WWOX: variants seen among roughly 807,000 people sequenced by gnomAD.
The protein encoded by WWOX is WW domain containing oxidoreductase, also known as WW domain-containing oxidoreductase.
WWOX carries 69 observed loss-of-function variants against 46.2 expected under a neutral mutation model. The observed-to-expected ratio is 1.49, with a 90% CI of 1.23 to 1.82. The LOEUF is 1.82. Ranked by LOEUF, WWOX falls within the 40% of genes most tolerant of loss-of-function variation. WWOX has a pLI of 0.00. For synonymous variants in WWOX, 359 were observed against 202.6 expected (o/e 1.77, Z -6.56); for missense variants, 919 against 542.6 (o/e 1.69, Z -6.89).
At chr16:78,507,800 A>G (rs1324744528) in intron 8 of WWOX, among the ~76,000 whole-genome samples, 1 of 152,138 alleles carries the variant, frequency 6.6e-6, no homozygotes, top group Non-Finnish European at 1.5e-5. Context: ...GCCTTGATTA[A>G]TAAGGCGTGA....
intron 8 of WWOX, among the ~76,000 whole-genome samples, chr16:79,107,665 C>T (rs1244467782): frequency 6.6e-6 from 1 of 152,208 alleles, no homozygotes; most frequent in Non-Finnish European, 1.5e-5. Context: ...GCGACATGCA[C>T]ATTTTCATGT....
Position 78,632,557 on chromosome 16 carries a change from AT to A in WWOX, c.1056+199826del, listed in dbSNP as rs545062752. 9.2e-3 allele frequency among the ~76,000 whole-genome samples: 685 copies of A among 74,726 alleles called. 9 individuals carry two copies. Among genetic ancestry groups the A allele is most frequent in the African/African-American group, 0.018 (330 of 17,968 alleles). 49.0% of individuals were successfully genotyped at this position (74,726 alleles called of 152,430 possible). On this transcript the variant is annotated intron_variant, in intron 8 of 8. Transcript: ENST00000566780. The stretch of plus-strand genomic sequence containing the variant: ...CTCTCTTCCCCCACTTACTTGGCCA[AT>A]TTTTTTTTTTTTTTTTTTTTGGTGG...
At chr16:78,482,789 G>A (rs1038305533) in intron 8 of WWOX, among the ~76,000 whole-genome samples, 2 of 152,128 alleles carry the variant, frequency 1.3e-5, no homozygotes, top group African/African-American at 2.4e-5. Flanking sequence ...ACGATAAGAC[G>A]CAGAACGTAT....
chr16:78,590,586 G>T (rs773639372), intron 8 of WWOX, among the ~76,000 whole-genome samples: 1 of 152,192 alleles, frequency 6.6e-6, no homozygotes, highest in Admixed American at 6.5e-5. Flanking sequence ...GTGTTGAGGA[G>T]ACATAACCAA....
intron 8 of WWOX, among the ~76,000 whole-genome samples, chr16:78,913,439 C>G (rs1019005637): frequency 1.3e-5 from 2 of 151,920 alleles, no homozygotes; most frequent in South Asian, 2.1e-4. Context: ...TTGCAAAACC[C>G]TCACGGCTCT....
chr16:79,188,979 A>G (rs1385874657), intron 8 of WWOX, among the ~76,000 whole-genome samples: 1 of 152,196 alleles, frequency 6.6e-6, no homozygotes, highest in Admixed American at 6.5e-5. Flanking sequence ...GCAAATCTAT[A>G]TTGTGACACA....
At chr16:78,592,619 G>A (rs1362487752) in intron 8 of WWOX, among the ~76,000 whole-genome samples, 1 of 152,200 alleles carries the variant, frequency 6.6e-6, no homozygotes. Flanking sequence ...AGAGCTGGAA[G>A]ACAAGGCCTG....
chr16:78,441,359 G>A (rs185014344), intron 8 of WWOX, among the ~76,000 whole-genome samples: 31 of 152,320 alleles, frequency 2.0e-4, no homozygotes, highest in Non-Finnish European at 2.8e-4. Flanking sequence ...ACCAGGTGCT[G>A]AATCAGTGAG....
In WWOX at chr16:78,849,586, A is replaced by AG. The variant is rs2052389762; in HGVS notation, c.1057-362022_1057-362021insG. 2.0e-5 allele frequency among the ~76,000 whole-genome samples: 3 copies of AG among 150,916 alleles called. No individual in the cohort carries two copies. The South Asian group carries it at 6.3e-4, about 32-fold the overall frequency. ...CTGAATCCCTCTCAAAAAAAAAAAA[A>AG]AAAAAAGAAAACAACTACAACCACA... is the stretch of plus-strand genomic sequence containing the variant. On this transcript the variant is annotated intron_variant, in intron 8 of 8. Coordinates refer to ENST00000566780, the MANE Select transcript of WWOX (RefSeq NM_016373.4).
chr16:79,032,108 A>G (rs1002807202), intron 8 of WWOX, among the ~76,000 whole-genome samples: 1 of 144,934 alleles, frequency 6.9e-6, no homozygotes, highest in East Asian at 2.0e-4. Context: ...TAGATAATTT[A>G]TATATAAATA....
chr16:78,786,612 G>C (rs1002677110), intron 8 of WWOX, among the ~76,000 whole-genome samples: 2 of 151,870 alleles, frequency 1.3e-5, no homozygotes, highest in Non-Finnish European at 2.9e-5. Context: ...ACTTTTTTTA[G>C]TATATTCGCA....
At chr16:78,702,534 C>G (rs1447316718) in intron 8 of WWOX, among the ~76,000 whole-genome samples, 1 of 151,344 alleles carries the variant, frequency 6.6e-6, no homozygotes, top group East Asian at 2.0e-4. Context: ...GTCTGTAATC[C>G]CAAATGCTTG....
chr16:79,031,634 A>T (rs2047756246), intron 8 of WWOX, among the ~76,000 whole-genome samples: 1 of 151,558 alleles, frequency 6.6e-6, no homozygotes, highest in African/African-American at 2.4e-5. Flanking sequence ...AAATTGAGGT[A>T]AATTTACTTA....
intron 5 of WWOX, among the ~76,000 whole-genome samples, chr16:78,322,576 T>G (rs1409067305): frequency 6.6e-6 from 1 of 152,202 alleles, no homozygotes; most frequent in Non-Finnish European, 1.5e-5. Context: ...TCAGTGAGTG[T>G]GAGAGGTACA....
At chr16:78,175,482 T>A (rs59907647) in intron 5 of WWOX, among the ~76,000 whole-genome samples, 15,253 of 152,174 alleles carry the variant, frequency 0.1, 782 homozygotes, top group African/African-American at 0.11. Context: ...CTGAGGTAGG[T>A]CCTAAAGGCT....
chr16:78,973,822 AG>A (rs1306618789), intron 8 of WWOX, among the ~76,000 whole-genome samples: 50 of 152,370 alleles, frequency 3.3e-4, no homozygotes, highest in Non-Finnish European at 1.5e-5. Flanking sequence ...TGGGGGCACC[AG>A]GGCTCATGAG....
At position 78,286,105 on chromosome 16, in the gene WWOX, C is replaced by T. The variant is rs374568173; in HGVS notation, c.517-100755C>T. Among the ~76,000 whole-genome samples the T allele has an allele frequency of 4.5e-4, 69 of 152,280 alleles. No individual in the cohort carries two copies. In the South Asian group the frequency reaches 4.6e-3, roughly 10 times the overall value. ...TTATTCATTTAAAAAAATCTGCTAA[C>T]GGAAATATTTCCATTCAGCTCATTA... On this transcript the variant is annotated intron_variant, in intron 5 of 8. Transcript: ENST00000566780.
Position 78,555,720 on chromosome 16 carries a change from T to A in WWOX, c.1056+122968T>A, listed in dbSNP as rs1427249036. On this transcript the variant is annotated intron_variant, in intron 8 of 8. Coordinates refer to ENST00000566780, the MANE Select transcript of WWOX (RefSeq NM_016373.4). ...ACTGGAAGTAAGAAGCCCCTGCAGTTCCAAATGACTCCACATTTGGAATGA... is the reference window on the plus strand; with the variant it reads ...ACTGGAAGTAAGAAGCCCCTGCAGTACCAAATGACTCCACATTTGGAATGA... 9.2e-5 allele frequency among the ~76,000 whole-genome samples: 14 copies of A among 152,122 alleles called. No individual in the cohort carries two copies. The East Asian group carries it at 2.5e-3, about 27-fold the overall frequency.
At chr16:78,445,176 G>A (rs2083531964) in intron 8 of WWOX, among the ~76,000 whole-genome samples, 1 of 152,142 alleles carries the variant, frequency 6.6e-6, no homozygotes, top group African/African-American at 2.4e-5. Context: ...CTAGAGTCTG[G>A]ATTCTTTTTA....
Sources: allele counts gnomAD v4.1 joint callset (sites outside exome capture counted in the v4.1 genomes callset), GRCh38; gene constraint gnomAD v4.1.1; transcripts MANE v1.5; gene names NCBI Gene and HGNC (gene_info 2026-07-23, HGNC 2026-07-21).